Variants in FRRS1 observed in about 807,000 individuals in gnomAD.
The protein encoded by FRRS1 is ferric reductase 1.
Under a neutral mutation model 70.7 loss-of-function variants are expected in FRRS1, and 51 were observed. The ratio of observed to expected loss-of-function variants is 0.72; its 90% CI spans 0.58 to 0.91. FRRS1 has a LOEUF of 0.91. Ranked by LOEUF, FRRS1 falls within the 40% of genes least tolerant of loss-of-function variation. FRRS1 has a pLI of 0.00. For missense variants in FRRS1, 672 were observed against 726.0 expected, an observed-to-expected ratio of 0.93 and a Z score of 0.86; for synonymous variants, 225 against 238.7, an observed-to-expected ratio of 0.94 and a Z score of 0.53.
chr1:99,741,015 A>G, intron 5 of FRRS1, 75 bp from the exon 6 acceptor site: 1 of 1,345,880 alleles, frequency 7.4e-7, no homozygotes, highest in Admixed American at 2.1e-5. Context: ...TAAAGGAAAA[A>G]AAAAAGAAAG....
intron 11 of FRRS1, among the ~76,000 whole-genome samples, 189 bp downstream of exon 11, chr1:99,717,221 G>A (rs1433790007): frequency 6.6e-6 from 1 of 152,150 alleles, no homozygotes; most frequent in Non-Finnish European, 1.5e-5. Flanking sequence ...AAAACTGTCT[G>A]TATTCTTATC....
In FRRS1 at chr1:99,706,875, G is replaced by A. The variant is rs933243844; in HGVS notation, c.*2153C>T. ...CCACTGCACTCCAGCCTAGACAACA[G>A]AGTGAGACTTTGTCACAAAAAAAAA... On this transcript the variant is annotated 3_prime_UTR_variant, in exon 17 of 17. Transcript: ENST00000646001. 1.3e-5 allele frequency among the ~76,000 whole-genome samples: 2 copies of A among 149,162 alleles called. No individual in the cohort carries two copies. Among genetic ancestry groups the A allele is most frequent in the African/African-American group, 5.1e-5 (2 of 39,032 alleles).
chr1:99,758,434 A>G (rs1656950363), intron 1 of FRRS1, among the ~76,000 whole-genome samples: 1 of 152,228 alleles, frequency 6.6e-6, no homozygotes, highest in Non-Finnish European at 1.5e-5. Flanking sequence ...GCAGAGGAAC[A>G]TAAATTGTGA....
At chr1:99,729,440 A>G (rs545665520) in intron 8 of FRRS1, among the ~76,000 whole-genome samples, 1 of 152,386 alleles carries the variant, frequency 6.6e-6, no homozygotes, top group Admixed American at 6.5e-5. Flanking sequence ...GACACAAGCA[A>G]GAATTCATCT....
chr1:99,742,222 AG>A lies in FRRS1; in HGVS notation c.384del (p.Tyr129ThrfsTer15). On this transcript the variant is annotated frameshift_variant, in exon 5 of 17. Coordinates refer to ENST00000646001, the MANE Select transcript of FRRS1 (RefSeq NM_001361041.2). LOFTEE classifies it high-confidence loss of function. ...RSASKKTEIK[V>X]YWNAPSSAPN... ...GGAGCACTGCTTGGAGCATTCCAGTAGACTTTAATTTCTGTTTTTTTAGATG... is the reference window on the plus strand; with the variant it reads ...GGAGCACTGCTTGGAGCATTCCAGTAACTTTAATTTCTGTTTTTTTAGATG... 6.2e-7 allele frequency: 1 copy of A among 1,612,438 alleles called. No homozygotes were observed. The highest frequency in any genetic ancestry group is 8.5e-7 in the Non-Finnish European group (1 of 1,178,442).
At chr1:99,738,412 A>G (rs556437331) in intron 6 of FRRS1, 144 bp from the exon 7 acceptor site, 27 of 571,492 alleles carry the variant, frequency 4.7e-5, no homozygotes, top group Non-Finnish European at 5.9e-5. Flanking sequence ...AAATAAGGAA[A>G]CAAAAGACAC....
At chr1:99,741,053 C>T (rs1655935780) in intron 5 of FRRS1, 113 bp from the exon 6 acceptor site, 2 of 946,074 alleles carry the variant, frequency 2.1e-6, no homozygotes, top group African/African-American at 1.6e-5. Flanking sequence ...TGACTTACTA[C>T]CTAACAGGAC....
At position 99,712,143 on chromosome 1, in the gene FRRS1, G is replaced by A. The variant is rs61740680; in HGVS notation, c.1442C>T (p.Thr481Ile). 9.5e-4 allele frequency: 1,529 copies of A among 1,610,398 alleles called. 9 individuals carry two copies. The African/African-American group carries it at 0.018, about 19-fold the overall frequency. Residue 481 changes from threonine to isoleucine, a missense_variant, in exon 14 of 17, where the codon ACT becomes ATT. By Grantham distance (89) the Thr-to-Ile change is moderately conservative. Coordinates refer to ENST00000646001, the MANE Select transcript of FRRS1 (RefSeq NM_001361041.2). The stretch of plus-strand genomic sequence containing the variant: ...AGCAGCTGTTCCCATACTCCAATGA[G>A]TCCAGTTAAACATTTGCCTTCTACC... ...HDPRRQMFNW[T>I]HWSMGTAARI...
intron 15 of FRRS1, among the ~76,000 whole-genome samples, chr1:99,709,515 G>A (rs1182723156): frequency 3.3e-5 from 5 of 152,076 alleles, no homozygotes; most frequent in Admixed American, 6.6e-5. Context: ...AAGTCATAAC[G>A]ATCTAAGCTC....
At chr1:99,715,931 G>A (rs776946921) in intron 11 of FRRS1, among the ~76,000 whole-genome samples, 22 of 152,132 alleles carry the variant, frequency 1.4e-4, no homozygotes, top group Non-Finnish European at 2.1e-4. Flanking sequence ...CAGAGCAGCA[G>A]GAATGGATAT....
chr1:99,739,812 C>G (rs1388807008), intron 6 of FRRS1, among the ~76,000 whole-genome samples: 2 of 151,752 alleles, frequency 1.3e-5, no homozygotes, highest in African/African-American at 4.8e-5. Flanking sequence ...CAAAGACACA[C>G]GAAAATTAGG....
intron 7 of FRRS1, among the ~76,000 whole-genome samples, chr1:99,731,134 A>C (rs951727388): frequency 6.6e-6 from 1 of 152,198 alleles, no homozygotes; most frequent in African/African-American, 2.4e-5. Flanking sequence ...ACCAAAAAAG[A>C]AGCAGACTGT....
chr1:99,737,003 T>C (rs1655707380), intron 7 of FRRS1, among the ~76,000 whole-genome samples: 1 of 150,642 alleles, frequency 6.6e-6, no homozygotes, highest in East Asian at 1.9e-4. Flanking sequence ...AGAAGTGGTG[T>C]TAAGTTTAAA....
intron 7 of FRRS1, among the ~76,000 whole-genome samples, chr1:99,734,859 C>A (rs1171510479): frequency 1.3e-5 from 2 of 152,082 alleles, no homozygotes; most frequent in Non-Finnish European, 2.9e-5. Context: ...CGAGACCAGC[C>A]TGCAGCTGGA....
chr1:99,739,542 C>T (rs372062893), intron 6 of FRRS1, among the ~76,000 whole-genome samples: 4 of 152,078 alleles, frequency 2.6e-5, no homozygotes, highest in Admixed American at 1.3e-4. Flanking sequence ...TGCTATAAGA[C>T]GTTGAAGAGA....
intron 10 of FRRS1, among the ~76,000 whole-genome samples, chr1:99,718,204 T>C (rs1187654077): frequency 2.6e-5 from 4 of 152,152 alleles, no homozygotes; most frequent in African/African-American, 9.7e-5. Flanking sequence ...TTTACAGTAG[T>C]TTAGTATACC....
chr1:99,727,699 G>A lies in FRRS1; in HGVS notation c.1006+794C>T, dbSNP rs1038290654. On this transcript the variant is annotated intron_variant, in intron 9 of 16. Transcript: ENST00000646001. Reference sequence around the variant, plus strand: ...TACCTTCTCGCCATTTTCAAAGTGGGCTATATTCTCAAAGTTTTGGAGCAA... The same window carrying A: ...TACCTTCTCGCCATTTTCAAAGTGGACTATATTCTCAAAGTTTTGGAGCAA... 4.6e-5 allele frequency among the ~76,000 whole-genome samples: 7 copies of A among 152,210 alleles called. No individual in the cohort carries two copies. In the South Asian group the frequency reaches 1.5e-3, roughly 32 times the overall value.
intron 6 of FRRS1, 45 bp from the exon 7 acceptor site, chr1:99,738,313 G>T: frequency 6.9e-7 from 1 of 1,445,534 alleles, no homozygotes; most frequent in Non-Finnish European, 9.5e-7. Context: ...TATCAAACAA[G>T]CAGTTCATTG....
chr1:99,719,951 A>G (rs780381638), intron 9 of FRRS1, among the ~76,000 whole-genome samples: 14 of 152,202 alleles, frequency 9.2e-5, no homozygotes, highest in Non-Finnish European at 1.8e-4. Flanking sequence ...ATAAATTAAA[A>G]TAAGTGCTGT....
Sources: allele counts gnomAD v4.1 joint callset (sites outside exome capture counted in the v4.1 genomes callset), GRCh38; gene constraint gnomAD v4.1.1; transcripts MANE v1.5; gene names NCBI Gene and HGNC (gene_info 2026-07-23, HGNC 2026-07-21).